The following MYH13 variants were observed in gnomAD, a reference collection of about 807,000 sequenced individuals.
The protein encoded by MYH13 is myosin-13.
Under a neutral mutation model 232.1 loss-of-function variants are expected in MYH13, and 177 were observed. The observed-to-expected ratio is 0.76, with a 90% CI of 0.67 to 0.86. The LOEUF (loss-of-function observed/expected upper bound fraction) is 0.86, where lower values mean the gene tolerates loss of function less well. Ranked by LOEUF, MYH13 falls within the 40% of genes least tolerant of loss-of-function variation. The probability of loss-of-function intolerance (pLI) is 0.00; values close to 1 mark genes in which losing one functional copy is unlikely to be tolerated. For missense variants in MYH13, 2,246 were observed against 2,405.9 expected (o/e 0.93, Z 1.39); for synonymous variants, 884 against 923.5 (o/e 0.96, Z 0.78).
intron 20 of MYH13, among the ~76,000 whole-genome samples, 196 bp downstream of exon 20, chr17:10,331,903 T>A (rs111712862): frequency 1.1e-4 from 16 of 152,124 alleles, no homozygotes; most frequent in African/African-American, 3.4e-4. Context: ...AGGCTTCCAA[T>A]CTAAGCTTTC....
chr17:10,354,838 T>C (rs5010940), intron 10 of MYH13, 55 bp from the exon 11 acceptor site: 1,090,023 of 1,601,062 alleles, frequency 0.68, 373,430 homozygotes, highest in Non-Finnish European at 0.7. Flanking sequence ...TCTGGGTTGT[T>C]TTTTTTTTCC....
At chr17:10,301,755 A>C in intron 39 of MYH13, 52 bp from the exon 40 acceptor site, 2 of 1,594,416 alleles carry the variant, frequency 1.3e-6, no homozygotes, top group African/African-American at 2.7e-5. Flanking sequence ...CAGTCCGATT[A>C]TGAGGTGCCC....
intron 20 of MYH13, among the ~76,000 whole-genome samples, chr17:10,331,824 C>G (rs777584239): frequency 6.6e-6 from 1 of 152,166 alleles, no homozygotes; most frequent in Admixed American, 6.5e-5. Flanking sequence ...CTCTCTTCAG[C>G]TCTTTCTTAC....
intron 21 of MYH13, among the ~76,000 whole-genome samples, chr17:10,328,739 GCA>G (rs1907310515): frequency 1.3e-5 from 2 of 148,396 alleles, no homozygotes; most frequent in Non-Finnish European, 3.0e-5. Flanking sequence ...GTGCAATGGT[GCA>G]ATCTCGGCTC....
intron 29 of MYH13, 141 bp from the exon 30 acceptor site, chr17:10,313,495 G>T: frequency 4.0e-6 from 5 of 1,256,398 alleles, no homozygotes; most frequent in South Asian, 3.3e-5. Flanking sequence ...ATATCACCTG[G>T]TTTATTTAAT....
intron 29 of MYH13, among the ~76,000 whole-genome samples, chr17:10,313,793 T>C (rs1374669802): frequency 6.6e-6 from 1 of 152,154 alleles, no homozygotes; most frequent in Non-Finnish European, 1.5e-5. Flanking sequence ...ATTGGAACAA[T>C]TAAAAAGGGA....
chr17:10,359,875 C>CA lies in MYH13; in HGVS notation c.645+84dup, dbSNP rs1206634438. On this transcript the variant is annotated intron_variant, in intron 7 of 40. Transcript: ENST00000252172. ...TCCTATTTGCCGTTTCTACTGAGCG[C>CA]ATACCCTGCATACACTTGGTGCTCA... The CA allele has an allele frequency of 3.2e-6, 4 of 1,234,056 alleles. No individual in the cohort carries two copies. The African/African-American group carries it at 5.9e-5, about 18-fold the overall frequency. 76.4% of individuals were successfully genotyped at this position (1,234,056 alleles called of 1,614,324 possible). A position where few individuals can be genotyped will look rare whatever the true frequency, so the allele number is the denominator to read the frequency against.
chr17:10,336,964 C>T (rs1332332764), intron 18 of MYH13, among the ~76,000 whole-genome samples: 4 of 150,382 alleles, frequency 2.7e-5, no homozygotes. Context: ...GTCACTGAGG[C>T]TGGAGTGCAG....
chr17:10,305,895 C>A (rs36041546), intron 37 of MYH13, among the ~76,000 whole-genome samples: 26,289 of 152,086 alleles, frequency 0.17, 2,683 homozygotes, highest in Admixed American at 0.26. Context: ...CCCCGATCGC[C>A]CTCTTTTGGG....
At chr17:10,330,639 G>T in intron 20 of MYH13, 116 bp from the exon 21 acceptor site, 2 of 1,383,166 alleles carry the variant, frequency 1.4e-6, no homozygotes, top group Non-Finnish European at 1.9e-6. Context: ...CACGGCAGGG[G>T]CAGCAATTCT....
chr17:10,358,304 T>G (rs532233111), intron 7 of MYH13, among the ~76,000 whole-genome samples: 2 of 152,282 alleles, frequency 1.3e-5, no homozygotes, highest in South Asian at 4.1e-4. Context: ...CAAAAACTTA[T>G]GAGAATGATT....
chr17:10,344,768 C>T (rs1269461636), intron 15 of MYH13, among the ~76,000 whole-genome samples: 1 of 149,002 alleles, frequency 6.7e-6, no homozygotes, highest in Non-Finnish European at 1.5e-5. Flanking sequence ...TTGCAGTGAT[C>T]CGAGACTGCA....
Position 10,305,765 on chromosome 17 carries a change from G to A in MYH13, c.5466+694C>T, listed in dbSNP as rs570253716. ...AAGCAAGGGAGACAGGAAACAAAGG[G>A]AACAGTCAGCAAAGAAACTGAATAA... On this transcript the variant is annotated intron_variant, in intron 37 of 40. Transcript: ENST00000252172. Among the ~76,000 whole-genome samples the A allele has an allele frequency of 2.6e-5, 4 of 152,292 alleles. No homozygotes were observed. The South Asian group carries it at 6.2e-4, about 24-fold the overall frequency.
At chr17:10,333,917 A>G (rs1360023041) in intron 18 of MYH13, among the ~76,000 whole-genome samples, 3 of 151,980 alleles carry the variant, frequency 2.0e-5, no homozygotes, top group African/African-American at 7.2e-5. Flanking sequence ...TCAAAAAAAA[A>G]AAAAGAAGAG....
At chr17:10,349,634 T>G (rs1054284835) in intron 12 of MYH13, among the ~76,000 whole-genome samples, 2 of 152,010 alleles carry the variant, frequency 1.3e-5, no homozygotes, top group Admixed American at 6.6e-5. Context: ...CCTCCTTTAC[T>G]TGAGTGCAGT....
chr17:10,328,694 T>G (rs893461495), intron 21 of MYH13, among the ~76,000 whole-genome samples: 1 of 127,244 alleles, frequency 7.9e-6, no homozygotes, highest in East Asian at 2.2e-4. Context: ...TTTTTTTTTT[T>G]TGAGATGGAG....
chr17:10,316,205 A>G (rs1363788400), intron 27 of MYH13, among the ~76,000 whole-genome samples, 180 bp from the exon 28 acceptor site: 1 of 152,246 alleles, frequency 6.6e-6, no homozygotes, highest in African/African-American at 2.4e-5. Flanking sequence ...TCACGCCTAT[A>G]ATCCCAGCAC....
At chr17:10,330,100 C>G (rs1219141494) in intron 21 of MYH13, among the ~76,000 whole-genome samples, 1 of 152,104 alleles carries the variant, frequency 6.6e-6, no homozygotes, top group East Asian at 1.9e-4. Flanking sequence ...CTTGCCAGTT[C>G]CCTATCCCCC....
chr17:10,370,737 A>AACAC (rs1373496557), intron 2 of MYH13, among the ~76,000 whole-genome samples: 1 of 152,092 alleles, frequency 6.6e-6, no homozygotes, highest in African/African-American at 2.4e-5. Context: ...ACCTCTAATA[A>AACAC]ACACACGTTT....
Sources: allele counts gnomAD v4.1 joint callset (sites outside exome capture counted in the v4.1 genomes callset), GRCh38; gene constraint gnomAD v4.1.1; transcripts MANE v1.5; gene names NCBI Gene and HGNC (gene_info 2026-07-23, HGNC 2026-07-21).